Variants in ATRNL1 observed in about 807,000 individuals in gnomAD.
The protein encoded by ATRNL1 is attractin like 1, also known as attractin-like protein 1.
A neutral mutation model predicts 182.7 loss-of-function variants in ATRNL1; 95 were observed. The observed-to-expected ratio is 0.52, with a 90% CI of 0.44 to 0.62. ATRNL1 has a LOEUF of 0.62. Among genes scored for constraint, ATRNL1 ranks in the 20% least tolerant of loss-of-function variants. The pLI, the probability that ATRNL1 is intolerant of heterozygous loss-of-function variation, is 0.00. For synonymous variants in ATRNL1, 576 were observed against 568.3 expected (o/e 1.01, Z -0.19); for missense variants, 1,471 against 1,679.5 (o/e 0.88, Z 2.17).
intron 20 of ATRNL1, among the ~76,000 whole-genome samples, chr10:115,412,401 G>C (rs1352635586): frequency 2.0e-5 from 3 of 152,182 alleles, no homozygotes; most frequent in Non-Finnish European, 4.4e-5. Context: ...CCAACGTCTT[G>C]ATTGCAGTCT....
Position 115,426,309 on chromosome 10 carries a change from A to G in ATRNL1, c.3322+7A>G, listed in dbSNP as rs1554962893. 5 of 1,595,374 alleles carry G rather than the reference A, an allele frequency of 3.1e-6. No individual in the cohort carries two copies. The highest frequency in any genetic ancestry group is 1.1e-5 in the South Asian group (1 of 89,670). ...CTTAGAGGAACATGTTATTGTAAGT[A>G]TATGTGTATTCTTCATTTTAAATAA... On this transcript the variant is annotated splice_region_variant and intron_variant, in intron 21 of 28. Coordinates refer to ENST00000355044, the MANE Select transcript of ATRNL1 (RefSeq NM_207303.4).
chr10:115,886,176 T>C (rs1195363734), intron 28 of ATRNL1, among the ~76,000 whole-genome samples: 1 of 152,050 alleles, frequency 6.6e-6, no homozygotes, highest in Non-Finnish European at 1.5e-5. Flanking sequence ...CAAAAAGCAG[T>C]GGCAGGATTG....
chr10:115,239,193 T>G (rs1554902199), intron 9 of ATRNL1, among the ~76,000 whole-genome samples: 1 of 151,894 alleles, frequency 6.6e-6, no homozygotes, highest in African/African-American at 2.4e-5. Flanking sequence ...TATTTTCTTG[T>G]TTTGTAAAGA....
chr10:115,147,668 A>G (rs1002943505), intron 5 of ATRNL1, among the ~76,000 whole-genome samples: 1 of 152,026 alleles, frequency 6.6e-6, no homozygotes, highest in African/African-American at 2.4e-5. Context: ...TAAGGGGTGT[A>G]GTTTCATTCT....
chr10:115,240,584 G>A (rs1276044676), intron 9 of ATRNL1, among the ~76,000 whole-genome samples: 6 of 151,772 alleles, frequency 4.0e-5, no homozygotes, highest in Non-Finnish European at 7.4e-5. Flanking sequence ...GAAATTAATT[G>A]GTATTATAAT....
intron 27 of ATRNL1, among the ~76,000 whole-genome samples, chr10:115,845,386 G>A (rs185209119): frequency 7.0e-4 from 107 of 152,012 alleles, no homozygotes; most frequent in African/African-American, 2.3e-3. Flanking sequence ...TCCTTTCCAC[G>A]TTTGAGATAT....
At chr10:115,234,390 G>A (rs1268223730) in intron 9 of ATRNL1, among the ~76,000 whole-genome samples, 2 of 151,698 alleles carry the variant, frequency 1.3e-5, no homozygotes, top group African/African-American at 4.8e-5. Context: ...TTTGAATGGA[G>A]TTGCTTACAT....
chr10:115,553,235 T>C (rs1414633), intron 26 of ATRNL1, among the ~76,000 whole-genome samples: 98,493 of 150,848 alleles, frequency 0.65, 33,069 homozygotes, highest in Middle Eastern at 0.74. Context: ...TTTTGAGTTG[T>C]TTAAATGTAG....
At chr10:115,645,292 A>G (rs910575208) in intron 26 of ATRNL1, among the ~76,000 whole-genome samples, 18 of 151,674 alleles carry the variant, frequency 1.2e-4, no homozygotes, top group Admixed American at 1.1e-3. Context: ...TTTTTAAAAA[A>G]AGTATTCTCT....
intron 27 of ATRNL1, among the ~76,000 whole-genome samples, chr10:115,788,705 C>T (rs1434394105): frequency 3.3e-5 from 5 of 152,174 alleles, no homozygotes; most frequent in Non-Finnish European, 7.3e-5. Context: ...AAACCAGTCC[C>T]TGGAAAGTGA....
At chr10:115,199,485 A>C (rs977700013) in intron 8 of ATRNL1, among the ~76,000 whole-genome samples, 2 of 151,950 alleles carry the variant, frequency 1.3e-5, no homozygotes, top group Non-Finnish European at 2.9e-5. Context: ...AATAGCTTGA[A>C]CTTGGGCAGT....
intron 24 of ATRNL1, among the ~76,000 whole-genome samples, chr10:115,518,225 T>C (rs1242834361): frequency 6.6e-6 from 1 of 151,926 alleles, no homozygotes; most frequent in Admixed American, 6.6e-5. Context: ...TCTGGCCAGT[T>C]GTCCAATGCC....
At chr10:115,390,026 C>G (rs998922839) in intron 19 of ATRNL1, among the ~76,000 whole-genome samples, 9 of 151,982 alleles carry the variant, frequency 5.9e-5, no homozygotes, top group African/African-American at 2.2e-4. Context: ...GGTCCTTTGT[C>G]CATTTTAAAA....
At chr10:115,705,393 G>A (rs1391215712) in intron 26 of ATRNL1, among the ~76,000 whole-genome samples, 3 of 151,734 alleles carry the variant, frequency 2.0e-5, no homozygotes, top group Non-Finnish European at 4.4e-5. Flanking sequence ...TAAAAAGCAG[G>A]GAATATGCTG....
rs568483446 is a variant in ATRNL1 at position 115,389,282 on chromosome 10, G to A, written c.3176-5377G>A. ...AGCACTTTGGGAGGCCGCGGATGGC[G>A]GATCATGAGGTCAGAAGTTCGAGAC... On this transcript the variant is annotated intron_variant, in intron 19 of 28. Coordinates refer to ENST00000355044, the MANE Select transcript of ATRNL1 (RefSeq NM_207303.4). Among the ~76,000 whole-genome samples the A allele has an allele frequency of 3.1e-3, 464 of 151,694 alleles. 1 individual carries two copies. The highest frequency in any genetic ancestry group is 6.8e-3 in the Middle Eastern group (2 of 294).
intron 26 of ATRNL1, among the ~76,000 whole-genome samples, chr10:115,565,746 G>A (rs1555001526): frequency 6.6e-6 from 1 of 151,910 alleles, no homozygotes; most frequent in East Asian, 1.9e-4. Context: ...AACTTTAAAA[G>A]TCGTTATATA....
Position 115,273,092 on chromosome 10 carries a change from G to A in ATRNL1, c.2100+4648G>A, listed in dbSNP as rs141697852. 5.3e-5 allele frequency among the ~76,000 whole-genome samples: 8 copies of A among 152,244 alleles called. No individual in the cohort carries two copies. The South Asian group carries it at 1.2e-3, about 24-fold the overall frequency. On this transcript the variant is annotated intron_variant, in intron 13 of 28. Transcript: ENST00000355044. ...AGCTGGCTGATTACCTAGGGGGATG[G>A]CACCATATCAGGAGCTCAGTGTTGG...
At chr10:115,461,457 C>G (rs1025019113) in intron 21 of ATRNL1, among the ~76,000 whole-genome samples, 1 of 151,862 alleles carries the variant, frequency 6.6e-6, no homozygotes, top group Non-Finnish European at 1.5e-5. Context: ...AATGGAAAAA[C>G]AAATAAATAC....
intron 27 of ATRNL1, among the ~76,000 whole-genome samples, chr10:115,798,607 C>T (rs1422253757): frequency 6.6e-6 from 1 of 150,470 alleles, no homozygotes; most frequent in Admixed American, 6.6e-5. Flanking sequence ...ATCACCTGCT[C>T]ATCTACACCT....
Sources: allele counts gnomAD v4.1 joint callset (sites outside exome capture counted in the v4.1 genomes callset), GRCh38; gene constraint gnomAD v4.1.1; transcripts MANE v1.5; gene names NCBI Gene and HGNC (gene_info 2026-07-23, HGNC 2026-07-21).